MACROD2: variants seen among roughly 807,000 people sequenced by gnomAD.
MACROD2 encodes ADP-ribose glycohydrolase MACROD2.
In MACROD2, 36 loss-of-function variants were observed where a neutral mutation model predicts 70.4. The ratio of observed to expected loss-of-function variants is 0.51; its 90% CI spans 0.39 to 0.68. MACROD2 has a LOEUF of 0.68. Ranked by LOEUF, MACROD2 falls within the 30% of genes least tolerant of loss-of-function variation. The probability of loss-of-function intolerance (pLI) is 0.00; values close to 1 mark genes in which losing one functional copy is unlikely to be tolerated. For synonymous variants in MACROD2, 172 were observed against 178.8 expected, an observed-to-expected ratio of 0.96 and a Z score of 0.30; for missense variants, 496 against 538.4, an observed-to-expected ratio of 0.92 and a Z score of 0.78.
At chr20:14,624,685 G>A (rs1224008064) in intron 4 of MACROD2, among the ~76,000 whole-genome samples, 1 of 152,200 alleles carries the variant, frequency 6.6e-6, no homozygotes, top group Non-Finnish European at 1.5e-5. Flanking sequence ...TGCATGAGCA[G>A]GTGGCCCCTT....
chr20:15,904,880 C>CAAAA (rs10556594), intron 10 of MACROD2, among the ~76,000 whole-genome samples: 2,852 of 128,396 alleles, frequency 0.022, 55 homozygotes, highest in Admixed American at 0.031. Context: ...GACTCTGTCT[C>CAAAA]AAAAAAAAAA....
At chr20:15,411,354 C>T (rs987400986) in intron 6 of MACROD2, among the ~76,000 whole-genome samples, 1 of 151,904 alleles carries the variant, frequency 6.6e-6, no homozygotes, top group Non-Finnish European at 1.5e-5. Flanking sequence ...ACTGAAATGG[C>T]TTGCTTTAGG....
At chr20:14,387,647 G>C (rs2083482983) in intron 3 of MACROD2, among the ~76,000 whole-genome samples, 1 of 152,180 alleles carries the variant, frequency 6.6e-6, no homozygotes, top group African/African-American at 2.4e-5. Flanking sequence ...CGTCCTTATT[G>C]TCCACTCTAG....
intron 8 of MACROD2, among the ~76,000 whole-genome samples, chr20:15,655,604 A>AC (rs551647712): frequency 2.6e-5 from 4 of 152,180 alleles, no homozygotes; most frequent in Admixed American, 6.5e-5. Flanking sequence ...TACGCCACCT[A>AC]CCACAAAAGA....
chr20:15,085,133 G>T (rs1372879707), intron 5 of MACROD2, among the ~76,000 whole-genome samples: 5 of 152,096 alleles, frequency 3.3e-5, no homozygotes, highest in African/African-American at 1.2e-4. Flanking sequence ...CAACAAGAAT[G>T]CCAAAACAAT....
At chr20:14,393,205 C>T (rs2083546725) in intron 3 of MACROD2, among the ~76,000 whole-genome samples, 1 of 151,932 alleles carries the variant, frequency 6.6e-6, no homozygotes, top group Non-Finnish European at 1.5e-5. Context: ...ACATGTGAAA[C>T]ACATTTAGGT....
rs561107481 is a variant in MACROD2, at chr20:15,336,936, A to T, written c.541-94469A>T. ...GAGAGAGTTTAAGGAGCTAAACACA[A>T]CTATTTCCTTGAGTATGAGAATTAT... On this transcript the variant is annotated intron_variant, in intron 6 of 17. Coordinates refer to ENST00000684519, the MANE Select transcript of MACROD2 (RefSeq NM_001351661.2). Among the ~76,000 whole-genome samples, 4 of 151,876 alleles carry T rather than the reference A, an allele frequency of 2.6e-5. No individual in the cohort carries two copies. In the East Asian group the frequency reaches 7.7e-4, roughly 29 times the overall value.
At chr20:15,993,082 A>G (rs895610347) in intron 15 of MACROD2, among the ~76,000 whole-genome samples, 3 of 152,192 alleles carry the variant, frequency 2.0e-5, no homozygotes, top group Non-Finnish European at 4.4e-5. Flanking sequence ...TTCCAAAGAC[A>G]TTATATAATG....
intron 8 of MACROD2, among the ~76,000 whole-genome samples, chr20:15,744,693 TACACACACACACACACACACACACACAC>T (rs11467530): frequency 5.4e-5 from 8 of 148,230 alleles, no homozygotes; most frequent in East Asian, 2.0e-4. Flanking sequence ...AAACCAAGTA[TACACACACACACACACACACACACACAC>T]ACACACACAC....
intron 7 of MACROD2, among the ~76,000 whole-genome samples, chr20:15,463,714 A>C (rs1018209341): frequency 1.2e-4 from 18 of 152,164 alleles, no homozygotes; most frequent in African/African-American, 3.9e-4. Flanking sequence ...GTGCCACTGC[A>C]CTCCAGCCTG....
intron 6 of MACROD2, among the ~76,000 whole-genome samples, chr20:15,325,236 T>C (rs1032962037): frequency 6.6e-6 from 1 of 152,164 alleles, no homozygotes; most frequent in African/African-American, 2.4e-5. Context: ...CCAGGGTTCA[T>C]TATTTGTACC....
chr20:15,651,668 T>C (rs1251123972), intron 8 of MACROD2, among the ~76,000 whole-genome samples: 1 of 152,178 alleles, frequency 6.6e-6, no homozygotes, highest in Non-Finnish European at 1.5e-5. Flanking sequence ...CCTCCCATTA[T>C]GTCTTGTCAT....
At chr20:14,035,722 T>C (rs1225127933) in intron 2 of MACROD2, among the ~76,000 whole-genome samples, 1 of 152,216 alleles carries the variant, frequency 6.6e-6, no homozygotes, top group Non-Finnish European at 1.5e-5. Flanking sequence ...ATAATATGAG[T>C]AAAGCCTATT....
At chr20:14,709,277 G>A (rs1347702689) in intron 5 of MACROD2, among the ~76,000 whole-genome samples, 1 of 151,334 alleles carries the variant, frequency 6.6e-6, no homozygotes, top group Non-Finnish European at 1.5e-5. Flanking sequence ...TCTTTAATTT[G>A]GGGGACATGG....
At chr20:14,119,875 C>T (rs1009219904) in intron 3 of MACROD2, among the ~76,000 whole-genome samples, 1 of 152,044 alleles carries the variant, frequency 6.6e-6, no homozygotes, top group Non-Finnish European at 1.5e-5. Flanking sequence ...AAATGAACAA[C>T]CCCATCTAGG....
intron 7 of MACROD2, among the ~76,000 whole-genome samples, chr20:15,456,515 G>A (rs979235458): frequency 6.6e-5 from 10 of 152,036 alleles, no homozygotes; most frequent in African/African-American, 2.2e-4. Flanking sequence ...GCTCCCTGAA[G>A]GCAAGTAGAT....
intron 4 of MACROD2, among the ~76,000 whole-genome samples, chr20:14,513,760 T>G (rs1318328722): frequency 6.6e-6 from 1 of 152,114 alleles, no homozygotes; most frequent in African/African-American, 2.4e-5. Flanking sequence ...ATTTTATGAC[T>G]TTTTCATATG....
At chr20:14,051,361 C>T (rs1296195151) in intron 2 of MACROD2, among the ~76,000 whole-genome samples, 2 of 152,178 alleles carry the variant, frequency 1.3e-5, no homozygotes, top group Non-Finnish European at 2.9e-5. Context: ...TACACATAAT[C>T]TCCAACCTAT....
At chr20:14,480,779 T>C (rs2084654260) in intron 3 of MACROD2, among the ~76,000 whole-genome samples, 1 of 152,190 alleles carries the variant, frequency 6.6e-6, no homozygotes, top group South Asian at 2.1e-4. Context: ...AAGTGTGTCT[T>C]GTATGGTAAA....
Sources: gnomAD v4.1 joint callset for allele counts (sites outside exome capture counted in the v4.1 genomes callset) on GRCh38, gnomAD v4.1.1 for gene constraint, MANE v1.5 for transcripts, NCBI Gene and HGNC (gene_info 2026-07-23, HGNC 2026-07-21) for gene names.